Variants in ADGRG6 observed in about 807,000 individuals in gnomAD.
ADGRG6 encodes the protein G-protein coupled receptor 126.
In ADGRG6, 84 loss-of-function variants were observed where a neutral mutation model predicts 142.4. That is an observed-to-expected ratio of 0.59 (90% CI 0.49 to 0.71). The LOEUF (loss-of-function observed/expected upper bound fraction) is 0.71, where lower values mean the gene tolerates loss of function less well. Among genes scored for constraint, ADGRG6 ranks in the 30% least tolerant of loss-of-function variants. The pLI, the probability that ADGRG6 is intolerant of heterozygous loss-of-function variation, is 0.00. For missense variants in ADGRG6, 1,367 were observed against 1,466.6 expected, an observed-to-expected ratio of 0.93 and a Z score of 1.11; for synonymous variants, 521 against 520.5, an observed-to-expected ratio of 1.00 and a Z score of -0.01.
At chr6:142,320,082 G>A (rs1381803200) in intron 2 of ADGRG6, among the ~76,000 whole-genome samples, 3 of 152,072 alleles carry the variant, frequency 2.0e-5, no homozygotes, top group African/African-American at 7.2e-5. Context: ...ATGAACATAT[G>A]TAGTTTTGTT....
chr6:142,365,797 G>T (rs939909768), intron 2 of ADGRG6, among the ~76,000 whole-genome samples: 1 of 152,058 alleles, frequency 6.6e-6, no homozygotes, highest in Non-Finnish European at 1.5e-5. Context: ...AACCTCACTT[G>T]AGCTGTATAA....
rs929779871 is a variant in ADGRG6, at chr6:142,337,432, A to G, written c.103+27788A>G. 5.6e-4 allele frequency among the ~76,000 whole-genome samples: 85 copies of G among 152,204 alleles called. 3 individuals carry two copies. Among genetic ancestry groups the G allele is most frequent in the African/African-American group, 9.7e-5 (4 of 41,448 alleles). On this transcript the variant is annotated intron_variant, in intron 2 of 24. Coordinates refer to ENST00000367609, the MANE Select transcript of ADGRG6 (RefSeq NM_198569.3). The stretch of plus-strand genomic sequence containing the variant: ...TGAGTGCTGCACTGGGACTCAAGCT[A>G]TGAAACCAAAACAAACCAGAAAAAT...
chr6:142,328,982 A>G (rs772687034), intron 2 of ADGRG6, among the ~76,000 whole-genome samples: 4 of 152,098 alleles, frequency 2.6e-5, no homozygotes, highest in Non-Finnish European at 4.4e-5. Context: ...ATGGTAGTAG[A>G]GTATAATGGT....
Position 142,367,601 on chromosome 6 carries a change from T to C in ADGRG6, c.136T>C (p.Ser46Pro). 1 of 1,613,788 alleles carries C rather than the reference T, an allele frequency of 6.2e-7. No homozygotes were observed. The highest frequency in any genetic ancestry group is 8.5e-7 in the Non-Finnish European group (1 of 1,179,796). The change falls in exon 3 of 25, where the codon TCC becomes CCC. Residue 46 changes from serine (S) to proline (P), a missense_variant. By Grantham distance (74) the Ser-to-Pro change is moderately conservative (BLOSUM62 -1). Transcript: ENST00000367609. Reference protein sequence around the residue: ...WGCANCRVVLSNPSGTFTSPC... With the variant: ...WGCANCRVVLPNPSGTFTSPC... ...ATGTGCCAACTGCCGAGTGGTTTTG[T>C]CCAACCCTTCTGGGACCTTTACTTC...
At chr6:142,411,084 CTGATT>C (rs1013687788) in intron 17 of ADGRG6, among the ~76,000 whole-genome samples, 24 of 152,216 alleles carry the variant, frequency 1.6e-4, no homozygotes, top group African/African-American at 5.8e-4. Context: ...TTTGAACCTA[CTGATT>C]AGATCACCTC....
chr6:142,369,279 A>C (rs1781107110), intron 3 of ADGRG6, among the ~76,000 whole-genome samples: 1 of 152,194 alleles, frequency 6.6e-6, no homozygotes, highest in Admixed American at 6.5e-5. Flanking sequence ...TTAGGTGAAT[A>C]CATTTTTATT....
chr6:142,341,007 G>T (rs1269358146), intron 2 of ADGRG6, among the ~76,000 whole-genome samples: 3 of 152,040 alleles, frequency 2.0e-5, no homozygotes. Context: ...AGGAAGCCAT[G>T]TGGGAAGATG....
At position 142,357,898 on chromosome 6, in the gene ADGRG6, A is replaced by G. The variant is rs139305205; in HGVS notation, c.104-9671A>G. Among the ~76,000 whole-genome samples, 637 of 152,342 alleles carry G rather than the reference A, an allele frequency of 4.2e-3. 4 individuals carry two copies. The highest frequency in any genetic ancestry group is 0.014 in the African/African-American group (588 of 41,590). On this transcript the variant is annotated intron_variant, in intron 2 of 24. Coordinates refer to ENST00000367609, the MANE Select transcript of ADGRG6 (RefSeq NM_198569.3). ...GATTAATTAATGAACAAACTAAAAT[A>G]TGGCTAACATGCTTTGCTATTTAAT...
chr6:142,333,440 T>TATTA (rs1248907114), intron 2 of ADGRG6, among the ~76,000 whole-genome samples: 1 of 152,202 alleles, frequency 6.6e-6, no homozygotes, highest in Non-Finnish European at 1.5e-5. Context: ...TTCTTATTGA[T>TATTA]ATTAATGTGT....
At chr6:142,355,118 C>T (rs1046443074) in intron 2 of ADGRG6, among the ~76,000 whole-genome samples, 1 of 152,154 alleles carries the variant, frequency 6.6e-6, no homozygotes, top group Non-Finnish European at 1.5e-5. Context: ...GGCACATAGT[C>T]TTCCCATTAG....
At chr6:142,323,232 G>A (rs187212105) in intron 2 of ADGRG6, among the ~76,000 whole-genome samples, 20 of 151,816 alleles carry the variant, frequency 1.3e-4, no homozygotes, top group South Asian at 1.2e-3. Context: ...GATGGCTTGC[G>A]GGTTATACAA....
At chr6:142,407,948 A>T (rs1038286608) in intron 15 of ADGRG6, among the ~76,000 whole-genome samples, 1 of 152,180 alleles carries the variant, frequency 6.6e-6, no homozygotes, top group Non-Finnish European at 1.5e-5. Flanking sequence ...TTGGCTCCCA[A>T]CATTCCCTCA....
At chr6:142,374,900 T>C (rs1007178566) in intron 4 of ADGRG6, among the ~76,000 whole-genome samples, 2 of 152,236 alleles carry the variant, frequency 1.3e-5, no homozygotes, top group Non-Finnish European at 2.9e-5. Flanking sequence ...CTCATATACT[T>C]ATCATTTTAT....
chr6:142,409,935 T>C lies in ADGRG6; in HGVS notation c.2434+16T>C, dbSNP rs372525635. ...AACAAAAACAGTAAGTTTTAAAATATTGGTTGTCTTAATATAGATAACAAC... is the reference window on the plus strand; with the variant it reads ...AACAAAAACAGTAAGTTTTAAAATACTGGTTGTCTTAATATAGATAACAAC... On this transcript the variant is annotated intron_variant, in intron 17 of 24. Transcript: ENST00000367609. The C allele has an allele frequency of 5.4e-6, 7 of 1,302,210 alleles. No individual in the cohort carries two copies. Among genetic ancestry groups the C allele is most frequent in the African/African-American group, 4.4e-5 (3 of 68,514 alleles). The allele number at this position is 1,302,210 out of a possible 1,614,324, so 80.7% of individuals were successfully genotyped here. A position where few individuals can be genotyped will look rare whatever the true frequency, so the allele number is the denominator to read the frequency against.
chr6:142,313,306 T>A (rs553198799), intron 2 of ADGRG6, among the ~76,000 whole-genome samples: 1 of 152,206 alleles, frequency 6.6e-6, no homozygotes, highest in East Asian at 1.9e-4. Flanking sequence ...GAGTTTCAGA[T>A]AATAACTTCT....
At chr6:142,344,978 A>G (rs1428002575) in intron 2 of ADGRG6, among the ~76,000 whole-genome samples, 5 of 152,034 alleles carry the variant, frequency 3.3e-5, no homozygotes, top group Non-Finnish European at 7.4e-5. Flanking sequence ...AGGCTACAAC[A>G]TAGGATGAGA....
At chr6:142,401,467 T>A (rs914619420) in intron 11 of ADGRG6, among the ~76,000 whole-genome samples, 1 of 152,176 alleles carries the variant, frequency 6.6e-6, no homozygotes, top group Non-Finnish European at 1.5e-5. Context: ...CTGCTGGTAT[T>A]TTGTTTCCAA....
chr6:142,420,207 T>A (rs1297140063), intron 22 of ADGRG6, 103 bp downstream of exon 22: 2 of 853,364 alleles, frequency 2.3e-6, no homozygotes, highest in African/African-American at 3.4e-5. Flanking sequence ...TGTGTCACTA[T>A]TTCAAGTGCT....
At chr6:142,426,307 T>C (rs1472416807) in intron 22 of ADGRG6, among the ~76,000 whole-genome samples, 1 of 152,048 alleles carries the variant, frequency 6.6e-6, no homozygotes, top group Non-Finnish European at 1.5e-5. Flanking sequence ...GCTGTTGCAA[T>C]GGGAGAAATT....
Sources: allele counts gnomAD v4.1 joint callset (sites outside exome capture counted in the v4.1 genomes callset), GRCh38; gene constraint gnomAD v4.1.1; transcripts MANE v1.5; gene names NCBI Gene and HGNC (gene_info 2026-07-23, HGNC 2026-07-21).